Variants in SATL1 observed in about 807,000 individuals in gnomAD.
SATL1 encodes spermidine/spermine N(1)-acetyltransferase-like protein 1.
In SATL1, 47 loss-of-function variants were observed where a neutral mutation model predicts 51.8. The ratio of observed to expected loss-of-function variants is 0.91; its 90% CI spans 0.72 to 1.16. The LOEUF (loss-of-function observed/expected upper bound fraction) is 1.16, where lower values mean the gene tolerates loss of function less well. Among genes scored for constraint, SATL1 ranks in the 50% most tolerant of loss-of-function variants. SATL1 has a pLI of 0.00. For synonymous variants in SATL1, 176 were observed against 182.4 expected (o/e 0.97, Z 0.28); for missense variants, 520 against 526.4 (o/e 0.99, Z 0.12).
Position 85,234,097 on chromosome X carries a change from G to A in SATL1, c.-435+9491C>T, listed in dbSNP as rs759022331. ...AAACACTCCAATACATCTGTCAGAA[G>A]ACTTTTCAGTGGAAACTTTACAGGC... On this transcript the variant is annotated intron_variant, in intron 1 of 7. Coordinates refer to ENST00000644105, the MANE Select transcript of SATL1 (RefSeq NM_001367857.2). Among the ~76,000 whole-genome samples, 334 of 110,322 alleles carry A rather than the reference G, an allele frequency of 3.0e-3. 4 individuals are homozygous for A. Among genetic ancestry groups the A allele is most frequent in the Non-Finnish European group, 4.0e-3 (211 of 52,556 alleles).
At chrX:85,190,236 T>G (rs1424394101) in intron 2 of SATL1, among the ~76,000 whole-genome samples, 1 of 111,992 alleles carries the variant, frequency 8.9e-6, no homozygotes, top group East Asian at 2.8e-4. Context: ...AAAGTTTTAT[T>G]CTAATAAATA....
intron 2 of SATL1, among the ~76,000 whole-genome samples, chrX:85,179,736 T>C (rs775378565): frequency 8.1e-5 from 9 of 110,554 alleles, no homozygotes; most frequent in Non-Finnish European, 1.5e-4. Flanking sequence ...TTTTCAACAC[T>C]GCCCTGCATA....
intron 2 of SATL1, among the ~76,000 whole-genome samples, chrX:85,220,644 TAAAAAAAA>T (rs57383092): frequency 7.9e-4 from 19 of 24,152 alleles, no homozygotes; most frequent in African/African-American, 2.7e-3. Context: ...ACTTCTGTGT[TAAAAAAAA>T]AAAAAAAAAA....
chrX:85,112,890 C>T (rs905210666), intron 2 of SATL1, among the ~76,000 whole-genome samples: 1 of 111,834 alleles, frequency 8.9e-6, no homozygotes, highest in African/African-American at 3.2e-5. Flanking sequence ...GAGGGCTCTC[C>T]TGCCCTGCTC....
At chrX:85,131,518 C>G (rs1460600884) in intron 2 of SATL1, among the ~76,000 whole-genome samples, 1 of 110,084 alleles carries the variant, frequency 9.1e-6, no homozygotes, top group Non-Finnish European at 1.9e-5. Flanking sequence ...TTCCTCCATC[C>G]TTTTATTTTG....
intron 2 of SATL1, among the ~76,000 whole-genome samples, chrX:85,152,531 G>A (rs370831475): frequency 5.4e-5 from 6 of 111,135 alleles, no homozygotes; most frequent in South Asian, 3.8e-4. Context: ...TGTTTATTGC[G>A]GCACTATTCA....
At chrX:85,098,342 G>A (rs1465855027) in intron 4 of SATL1, among the ~76,000 whole-genome samples, 1 of 111,213 alleles carries the variant, frequency 9.0e-6, no homozygotes, top group Non-Finnish European at 1.9e-5. Flanking sequence ...AACACTGACA[G>A]AACTGAGAGA....
In SATL1 at chrX:85,108,075, T is replaced by A; in HGVS notation, c.894A>T (p.Gln298His). The A allele has an allele frequency of 8.3e-7, 1 of 1,211,944 alleles. No homozygotes were observed. The highest frequency in any genetic ancestry group is 1.1e-6 in the Non-Finnish European group (1 of 895,576). The change falls in exon 3 of 8, where the codon CAA (glutamine) becomes CAT (histidine). Residue 298 changes from glutamine (Q) to histidine (H), a missense_variant. Transcript: ENST00000644105. ...QVDMKQPSMS[Q>H]AGMRQSGTNL... ...TTGTACCTGATTGCCTCATGCCAGC[T>A]TGGCTCATGCTTGGTTGTTTCATGT...
At chrX:85,178,618 A>G (rs1927132250) in intron 2 of SATL1, among the ~76,000 whole-genome samples, 1 of 107,291 alleles carries the variant, frequency 9.3e-6, no homozygotes, top group Non-Finnish European at 1.9e-5. Context: ...GCTCAAAAAA[A>G]AAAAAACAAA....
At chrX:85,212,570 C>A (rs1457474506) in intron 2 of SATL1, 1 of 111,729 alleles carries the variant, frequency 9.0e-6, no homozygotes, top group Non-Finnish European at 1.9e-5. Context: ...TTCATTTATT[C>A]GTTTCCCACA....
intron 2 of SATL1, among the ~76,000 whole-genome samples, chrX:85,146,869 T>C: frequency 8.9e-6 from 1 of 112,670 alleles, no homozygotes; most frequent in Middle Eastern, 4.6e-3. Flanking sequence ...ACAACTCCGG[T>C]CTACAGCTCC....
intron 2 of SATL1, among the ~76,000 whole-genome samples, chrX:85,112,287 G>C (rs927845312): frequency 2.4e-4 from 27 of 111,090 alleles, no homozygotes; most frequent in Admixed American, 5.8e-4. Flanking sequence ...GGGAGGTGGA[G>C]GTTGCAGTGA....
intron 2 of SATL1, among the ~76,000 whole-genome samples, chrX:85,131,386 CT>C (rs1925794960): frequency 9.0e-6 from 1 of 111,589 alleles, no homozygotes; most frequent in Non-Finnish European, 1.9e-5. Context: ...GAATTGATCC[CT>C]TTACCATTAT....
chrX:85,139,305 CAT>C (rs1231381371), intron 2 of SATL1, among the ~76,000 whole-genome samples: 1 of 111,475 alleles, frequency 9.0e-6, no homozygotes, highest in Non-Finnish European at 1.9e-5. Flanking sequence ...ATGTATTTAT[CAT>C]ATACGTAAAT....
intron 2 of SATL1, among the ~76,000 whole-genome samples, chrX:85,203,780 G>C (rs916505941): frequency 8.9e-6 from 1 of 112,491 alleles, no homozygotes; most frequent in Admixed American, 9.4e-5. Context: ...CCCTTTCCAC[G>C]GGAGCTCCTT....
intron 2 of SATL1, among the ~76,000 whole-genome samples, chrX:85,128,808 C>G (rs756091747): frequency 1.8e-5 from 2 of 111,581 alleles, no homozygotes; most frequent in Admixed American, 9.5e-5. Context: ...TAATCCATCT[C>G]GAATTAATTT....
At chrX:85,214,269 CT>C (rs1253069878) in intron 2 of SATL1, among the ~76,000 whole-genome samples, 1 of 111,470 alleles carries the variant, frequency 9.0e-6, no homozygotes. Flanking sequence ...CAAAAAGGAG[CT>C]GGCATGTGCA....
intron 2 of SATL1, among the ~76,000 whole-genome samples, chrX:85,194,657 A>G (rs1405859486): frequency 1.8e-5 from 2 of 110,475 alleles, no homozygotes; most frequent in South Asian, 3.9e-4. Context: ...GATAAAGAAG[A>G]TGTGGCACAT....
intron 2 of SATL1, among the ~76,000 whole-genome samples, chrX:85,214,767 G>A (rs1273246128): frequency 9.0e-6 from 1 of 111,386 alleles, no homozygotes; most frequent in Non-Finnish European, 1.9e-5. Flanking sequence ...CAAAAGAAAG[G>A]GGGAATAAGC....
Sources: allele counts gnomAD v4.1 joint callset (sites outside exome capture counted in the v4.1 genomes callset), GRCh38; gene constraint gnomAD v4.1.1; transcripts MANE v1.5; gene names NCBI Gene and HGNC (gene_info 2026-07-23, HGNC 2026-07-21).